ATRN: variants seen among roughly 807,000 people sequenced by gnomAD.
The protein encoded by ATRN is attractin, also known as attractin-2.
In ATRN, 54 loss-of-function variants were observed where a neutral mutation model predicts 178.7. The observed-to-expected ratio is 0.30, with a 90% CI of 0.24 to 0.38. The LOEUF is 0.38. ATRN is among the 10% of genes least tolerant of loss of function. ATRN has a pLI of 1.00. For missense variants in ATRN, 1,443 were observed against 1,815.1 expected (o/e 0.79, Z 3.73); for synonymous variants, 636 against 663.0 (o/e 0.96, Z 0.63).
intron 1 of ATRN, 47 bp downstream of exon 1, chr20:3,471,564 G>A (rs1270579929): frequency 1.4e-5 from 19 of 1,367,024 alleles, no homozygotes; most frequent in Non-Finnish European, 1.5e-5. Flanking sequence ...CAGAGGCTGG[G>A]GCTGAGGGGC....
chr20:3,544,506 G>A (rs963158752), intron 3 of ATRN, among the ~76,000 whole-genome samples: 103 of 152,078 alleles, frequency 6.8e-4, no homozygotes, highest in Non-Finnish European at 1.4e-3. Context: ...TGTGGTGGTG[G>A]TGGTGGTGGT....
chr20:3,604,058 A>G, intron 23 of ATRN, 47 bp from the exon 24 acceptor site: 1 of 1,510,988 alleles, frequency 6.6e-7, no homozygotes, highest in Non-Finnish European at 8.9e-7. Context: ...TTCTCCCCCT[A>G]GCCCCCCAAA....
chr20:3,607,842 G>C (rs529464725), intron 24 of ATRN, among the ~76,000 whole-genome samples: 27 of 152,220 alleles, frequency 1.8e-4, no homozygotes, highest in Admixed American at 1.5e-3. Context: ...CACCAGCAGT[G>C]AACTAGTATC....
chr20:3,574,175 A>T (rs576225986), intron 12 of ATRN, among the ~76,000 whole-genome samples: 13 of 152,294 alleles, frequency 8.5e-5, no homozygotes, highest in Admixed American at 1.3e-4. Context: ...CATTCCTGGG[A>T]TGCTGCTCCA....
At chr20:3,576,695 G>GTCTGTCTGTCTATCTATCTA (rs11472378) in intron 13 of ATRN, among the ~76,000 whole-genome samples, 164 bp from the exon 14 acceptor site, 9,392 of 142,228 alleles carry the variant, frequency 0.066, 392 homozygotes, top group East Asian at 0.16. Context: ...CTGTCTGTCT[G>GTCTGTCTGTCTATCTATCTA]TCTATCTATC....
At chr20:3,522,264 A>G (rs969981984) in intron 1 of ATRN, among the ~76,000 whole-genome samples, 2 of 152,230 alleles carry the variant, frequency 1.3e-5, no homozygotes, top group Admixed American at 1.3e-4. Flanking sequence ...GAATGCAGCT[A>G]AAGCAGTATA....
Position 3,641,237 on chromosome 20 carries a change from A to G in ATRN, c.4050+2302A>G, listed in dbSNP as rs142998710. 6.3e-3 allele frequency among the ~76,000 whole-genome samples: 958 copies of G among 152,326 alleles called. 6 individuals are homozygous for G. The highest frequency in any genetic ancestry group is 0.021 in the African/African-American group (880 of 41,566). ...AATATACTTAATACCACTGAACTGT[A>G]CATTTTTAAATGGTCAAGATGGTAA... is the stretch of plus-strand genomic sequence containing the variant. On this transcript the variant is annotated intron_variant, in intron 27 of 28. Transcript: ENST00000262919.
chr20:3,527,899 C>T (rs751690283), intron 1 of ATRN, among the ~76,000 whole-genome samples: 1 of 145,746 alleles, frequency 6.9e-6, no homozygotes, highest in Non-Finnish European at 1.5e-5. Context: ...AGGGGAACAT[C>T]GCATACTGGG....
In ATRN at chr20:3,645,110, G is replaced by A. The variant is rs1244551928; in HGVS notation, c.4165+842G>A. Among the ~76,000 whole-genome samples the A allele has an allele frequency of 1.3e-5, 2 of 152,194 alleles. No individual in the cohort carries two copies. The highest frequency in any genetic ancestry group is 4.8e-5 in the African/African-American group (2 of 41,450). ...TTAATTACAGAGTGCTTTGGAGGAT[G>A]CCTCAATGTGATCATTTTAGACAAC... On this transcript the variant is annotated intron_variant, in intron 28 of 28. Coordinates refer to ENST00000262919, the MANE Select transcript of ATRN (RefSeq NM_139321.3). This position sits in a 1 kb window ranked among gnomAD's most constrained non-coding sequence, Gnocchi z 4.7.
intron 1 of ATRN, among the ~76,000 whole-genome samples, chr20:3,482,144 TATA>T (rs1364006565): frequency 2.0e-5 from 3 of 152,142 alleles, no homozygotes; most frequent in Non-Finnish European, 2.9e-5. Flanking sequence ...TAATAAAGAT[TATA>T]ATGTCTATTT....
chr20:3,576,237 C>T (rs2086207180), intron 13 of ATRN, among the ~76,000 whole-genome samples: 1 of 152,124 alleles, frequency 6.6e-6, no homozygotes, highest in Non-Finnish European at 1.5e-5. Flanking sequence ...CTGATAGTGA[C>T]CTCACTTTAC....
At chr20:3,475,124 T>C (rs1323867640) in intron 1 of ATRN, among the ~76,000 whole-genome samples, 1 of 152,168 alleles carries the variant, frequency 6.6e-6, no homozygotes, top group African/African-American at 2.4e-5. Context: ...TGTATCTTGA[T>C]TGAACTTACA....
chr20:3,480,022 G>T (rs1424884292), intron 1 of ATRN, among the ~76,000 whole-genome samples: 6 of 152,194 alleles, frequency 3.9e-5, no homozygotes, highest in African/African-American at 4.8e-5. Flanking sequence ...GGGGAACACA[G>T]TACAACCCAC....
At chr20:3,617,399 G>T (rs1002281891) in intron 24 of ATRN, among the ~76,000 whole-genome samples, 4 of 152,180 alleles carry the variant, frequency 2.6e-5, no homozygotes, top group African/African-American at 9.7e-5. Flanking sequence ...TGATCATAGG[G>T]AAAGTAAGTG....
intron 1 of ATRN, among the ~76,000 whole-genome samples, chr20:3,508,517 C>T (rs532471316): frequency 6.6e-5 from 10 of 152,258 alleles, no homozygotes; most frequent in African/African-American, 1.7e-4. Context: ...TACTAGTCCA[C>T]GGGCTGTAGT....
At chr20:3,474,300 C>T (rs767587061) in intron 1 of ATRN, among the ~76,000 whole-genome samples, 1 of 152,074 alleles carries the variant, frequency 6.6e-6, no homozygotes, top group Non-Finnish European at 1.5e-5. Context: ...AGTGCTGTTT[C>T]CTGGGTAGAC....
rs201175428 is a variant in ATRN at position 3,608,261 on chromosome 20, TTAC to T, written c.3801+4000_3801+4002del. On this transcript the variant is annotated intron_variant, in intron 24 of 28. Transcript: ENST00000262919. The stretch of plus-strand genomic sequence containing the variant: ...TTTTGTTGCCTGTGATTTCGACATC[TTAC>T]ACAAAACATCTTTGCCCAGACCAAT... 2.6e-3 allele frequency among the ~76,000 whole-genome samples: 398 copies of T among 152,346 alleles called. 15 individuals carry two copies. In the East Asian group the frequency reaches 0.068, roughly 26 times the overall value.
intron 24 of ATRN, among the ~76,000 whole-genome samples, chr20:3,609,712 GTA>G (rs377151776): frequency 0.024 from 2,903 of 120,510 alleles, 93 homozygotes; most frequent in African/African-American, 0.081. Context: ...TGGTATGTAT[GTA>G]TGTGTGTGTG....
At chr20:3,511,084 C>T (rs2146127198) in intron 1 of ATRN, among the ~76,000 whole-genome samples, 1 of 152,180 alleles carries the variant, frequency 6.6e-6, no homozygotes, top group South Asian at 2.1e-4. Context: ...TATTATCTGT[C>T]AAACCTTTGA....
Sources: allele counts gnomAD v4.1 joint callset (sites outside exome capture counted in the v4.1 genomes callset), GRCh38; gene constraint gnomAD v4.1.1; non-coding constraint Gnocchi (gnomAD v3.1); transcripts MANE v1.5; gene names NCBI Gene and HGNC (gene_info 2026-07-23, HGNC 2026-07-21).